CCSER1: variants seen among roughly 807,000 people sequenced by gnomAD.
The protein encoded by CCSER1 is coiled-coil serine rich protein 1.
A neutral mutation model predicts 82.0 loss-of-function variants in CCSER1; 41 were observed. That is an observed-to-expected ratio of 0.50 (90% CI 0.39 to 0.65). CCSER1 has a LOEUF of 0.65. Among genes scored for constraint, CCSER1 ranks in the 30% least tolerant of loss-of-function variants. CCSER1 has a pLI of 0.00. For missense variants in CCSER1, 1,119 were observed against 1,064.2 expected, an observed-to-expected ratio of 1.05 and a Z score of -0.72; for synonymous variants, 414 against 383.9, an observed-to-expected ratio of 1.08 and a Z score of -0.92.
At position 90,309,471 on chromosome 4, in the gene CCSER1, T is replaced by G. The variant is rs768263464; in HGVS notation, c.1187T>G (p.Phe396Cys). 1.2e-6 allele frequency: 2 copies of G among 1,613,848 alleles called. No individual in the cohort carries two copies. The highest frequency in any genetic ancestry group is 1.7e-6 in the Non-Finnish European group (2 of 1,179,794). ...ACAAACTCCCCAAGGAAACTTGGAT[T>G]TTATGAGCAACATAAAGCAATAGCG... is the stretch of plus-strand genomic sequence containing the variant. ...LGTNSPRKLG[F>C]YEQHKAIAEH... is the part of the protein sequence containing the mutation. Residue 396 changes from phenylalanine to cysteine, a missense_variant, in exon 2 of 11, where the codon TTT becomes TGT. By Grantham distance (205) the Phe-to-Cys change is radical. Coordinates refer to ENST00000509176, the MANE Select transcript of CCSER1 (RefSeq NM_001145065.2).
chr4:90,784,445 G>A (rs112783627), intron 7 of CCSER1, among the ~76,000 whole-genome samples: 2,182 of 152,276 alleles, frequency 0.014, 19 homozygotes, highest in Non-Finnish European at 0.021. Flanking sequence ...CAAAAGTGAG[G>A]TTACAAGGAT....
At chr4:90,532,875 T>C (rs557553687) in intron 5 of CCSER1, among the ~76,000 whole-genome samples, 3 of 152,074 alleles carry the variant, frequency 2.0e-5, no homozygotes, top group Non-Finnish European at 4.4e-5. Flanking sequence ...TATCTTGGCT[T>C]TTTTGTATTC....
chr4:90,851,968 C>T (rs894188882), intron 8 of CCSER1, among the ~76,000 whole-genome samples: 3 of 152,070 alleles, frequency 2.0e-5, no homozygotes, highest in Non-Finnish European at 2.9e-5. Context: ...TTTCTTCCAA[C>T]CCTTTGTGGA....
intron 1 of CCSER1, among the ~76,000 whole-genome samples, chr4:90,174,485 CAGGTT>C (rs1209196522): frequency 3.3e-5 from 5 of 151,906 alleles, no homozygotes; most frequent in Non-Finnish European, 7.4e-5. Context: ...ATGATTTTCT[CAGGTT>C]AGTGCCTTGA....
intron 10 of CCSER1, among the ~76,000 whole-genome samples, chr4:91,560,268 G>A (rs1186599949): frequency 7.0e-6 from 1 of 143,204 alleles, no homozygotes; most frequent in Non-Finnish European, 1.5e-5. Flanking sequence ...TTTAGTTTGT[G>A]CACTATTGTT....
chr4:90,352,389 C>T (rs749863555), intron 3 of CCSER1, among the ~76,000 whole-genome samples: 36 of 151,800 alleles, frequency 2.4e-4, no homozygotes, highest in Non-Finnish European at 4.1e-4. Context: ...ATTGGCCAGG[C>T]GCGGTGACTG....
intron 6 of CCSER1, among the ~76,000 whole-genome samples, chr4:90,712,792 G>C (rs191346345): frequency 6.6e-6 from 1 of 151,488 alleles, no homozygotes; most frequent in Admixed American, 6.6e-5. Context: ...TAGGTCTCTA[G>C]GAACTTGCTT....
chr4:91,158,753 G>A (rs372396339), intron 10 of CCSER1, among the ~76,000 whole-genome samples: 1 of 151,930 alleles, frequency 6.6e-6, no homozygotes. Context: ...AGTAAGTCTA[G>A]TTTGCACCTC....
chr4:90,879,243 C>T (rs1021272405), intron 8 of CCSER1, among the ~76,000 whole-genome samples: 4 of 152,042 alleles, frequency 2.6e-5, no homozygotes, highest in African/African-American at 7.2e-5. Flanking sequence ...TCTTGTTTTG[C>T]GTTATTCAGC....
intron 8 of CCSER1, among the ~76,000 whole-genome samples, chr4:90,842,009 G>A (rs911454889): frequency 8.8e-5 from 13 of 147,034 alleles, no homozygotes; most frequent in East Asian, 2.0e-4. Context: ...GCATATTGAC[G>A]TATTTACTGA....
chr4:90,519,318 A>T (rs1347464296), intron 5 of CCSER1, among the ~76,000 whole-genome samples: 1 of 151,872 alleles, frequency 6.6e-6, no homozygotes, highest in Admixed American at 6.6e-5. Flanking sequence ...ATAAATTTTA[A>T]TGTTGCTATT....
chr4:90,337,601 C>T (rs920540494), intron 3 of CCSER1, among the ~76,000 whole-genome samples: 1 of 140,932 alleles, frequency 7.1e-6, no homozygotes, highest in African/African-American at 2.8e-5. Context: ...AATAAATATG[C>T]TAATGTAGTT....
chr4:90,590,974 T>C (rs1219127957), intron 5 of CCSER1, among the ~76,000 whole-genome samples: 8 of 152,190 alleles, frequency 5.3e-5, no homozygotes, highest in Non-Finnish European at 7.4e-5. Context: ...CTTATTTCTT[T>C]GAACAATAGT....
intron 6 of CCSER1, among the ~76,000 whole-genome samples, chr4:90,694,985 A>T (rs955235702): frequency 2.6e-5 from 4 of 151,136 alleles, no homozygotes; most frequent in African/African-American, 4.9e-5. Flanking sequence ...TTCTTTATTA[A>T]TATTACCTTC....
At chr4:91,346,754 T>C (rs943196240) in intron 10 of CCSER1, among the ~76,000 whole-genome samples, 3 of 152,246 alleles carry the variant, frequency 2.0e-5, no homozygotes, top group Non-Finnish European at 4.4e-5. Context: ...CATTTTTTCA[T>C]GTGCTTATTT....
chr4:91,276,144 CTT>C (rs993798948), intron 10 of CCSER1, among the ~76,000 whole-genome samples: 1 of 151,452 alleles, frequency 6.6e-6, no homozygotes, highest in Non-Finnish European at 1.5e-5. Context: ...TATTCCAGCT[CTT>C]TTTTGGTTCC....
chr4:90,297,299 G>C (rs1356156349), intron 1 of CCSER1, among the ~76,000 whole-genome samples: 1 of 148,162 alleles, frequency 6.7e-6, no homozygotes. Context: ...CTGTTTGTCT[G>C]TTATTGGTGT....
chr4:91,202,379 T>C (rs930601600), intron 10 of CCSER1, among the ~76,000 whole-genome samples: 1 of 151,930 alleles, frequency 6.6e-6, no homozygotes, highest in Admixed American at 6.6e-5. Flanking sequence ...CGTCTTAGAA[T>C]CATGGCCACT....
At chr4:90,793,551 A>AT (rs138858565) in intron 7 of CCSER1, among the ~76,000 whole-genome samples, 30,509 of 151,974 alleles carry the variant, frequency 0.2, 3,450 homozygotes, top group Non-Finnish European at 0.26. Flanking sequence ...TATATACCAC[A>AT]TTTTTTCTAT....
Sources: allele counts gnomAD v4.1 joint callset (sites outside exome capture counted in the v4.1 genomes callset), GRCh38; gene constraint gnomAD v4.1.1; transcripts MANE v1.5; gene names NCBI Gene and HGNC (gene_info 2026-07-23, HGNC 2026-07-21).